Variants in MGST1 observed in about 807,000 individuals in gnomAD.
MGST1 encodes the protein microsomal glutathione S-transferase 1, also known as glutathione S-transferase 12.
A neutral mutation model predicts 8.9 loss-of-function variants in MGST1; 5 were observed. That is an observed-to-expected ratio of 0.56 (90% CI 0.29 to 1.19). The LOEUF (loss-of-function observed/expected upper bound fraction) is 1.19, where lower values mean the gene tolerates loss of function less well. Among genes scored for constraint, MGST1 ranks in the 50% most tolerant of loss-of-function variants. MGST1 has a pLI of 0.08. For missense variants in MGST1, 182 were observed against 187.4 expected (o/e 0.97, Z 0.17); for synonymous variants, 54 against 67.8 (o/e 0.80, Z 1.00).
intron 4 of MGST1, among the ~76,000 whole-genome samples, chr12:16,461,902 A>G (rs1299348520): frequency 6.6e-6 from 1 of 152,098 alleles, no homozygotes; most frequent in African/African-American, 2.4e-5. Flanking sequence ...GTTTACCAAG[A>G]TGATTAGTTG....
intron 4 of MGST1, among the ~76,000 whole-genome samples, chr12:16,467,008 C>T (rs1447609831): frequency 6.6e-6 from 1 of 151,750 alleles, no homozygotes; most frequent in Non-Finnish European, 1.5e-5. Flanking sequence ...ATGCCTATGT[C>T]TGCTATTAAA....
chr12:16,353,728 T>C (rs369136344), intron 1 of MGST1, among the ~76,000 whole-genome samples: 58 of 151,324 alleles, frequency 3.8e-4, no homozygotes, highest in African/African-American at 1.3e-3. Context: ...CTAAATAATA[T>C]AGAACTAGAT....
chr12:16,499,950 T>C (rs2137166445), intron 4 of MGST1, among the ~76,000 whole-genome samples: 1 of 152,284 alleles, frequency 6.6e-6, no homozygotes, highest in South Asian at 2.1e-4. Flanking sequence ...TTTTTAATAA[T>C]AAATGTTAAA....
intron 4 of MGST1, among the ~76,000 whole-genome samples, chr12:16,530,520 G>T (rs1488031497): frequency 6.6e-6 from 1 of 152,090 alleles, no homozygotes; most frequent in Admixed American, 6.6e-5. Context: ...TAAACACTCA[G>T]GCTGAAAAAC....
intron 4 of MGST1, among the ~76,000 whole-genome samples, chr12:16,509,892 T>C (rs762694863): frequency 8.5e-5 from 13 of 152,228 alleles, no homozygotes; most frequent in Admixed American, 2.0e-4. Flanking sequence ...GACAGTATAA[T>C]GAAATCAATC....
At chr12:16,417,926 G>T (rs567259503) in intron 1 of MGST1, among the ~76,000 whole-genome samples, 4 of 152,162 alleles carry the variant, frequency 2.6e-5, no homozygotes, top group Non-Finnish European at 5.9e-5. Context: ...AAATGTAATT[G>T]AGGTCCTTTC....
At chr12:16,447,939 A>G (rs868572196) in intron 4 of MGST1, among the ~76,000 whole-genome samples, 3 of 152,080 alleles carry the variant, frequency 2.0e-5, no homozygotes, top group Middle Eastern at 3.4e-3. Context: ...TGCTGAATAA[A>G]TAAATTCATT....
intron 4 of MGST1, among the ~76,000 whole-genome samples, chr12:16,565,667 T>TTTTCATGGATGA (rs1188842691): frequency 3.3e-5 from 5 of 152,048 alleles, no homozygotes; most frequent in African/African-American, 9.7e-5. Flanking sequence ...ATATTAAATA[T>TTTTCATGGATGA]TTTCATGGAT....
downstream of MGST1, among the ~76,000 whole-genome samples, chr12:16,592,179 GC>G (rs1943515280): frequency 6.6e-6 from 1 of 151,870 alleles, no homozygotes; most frequent in Non-Finnish European, 1.5e-5. Flanking sequence ...CGAAGTATTG[GC>G]ACTCAAATAT....
chr12:16,450,318 G>A (rs753849382), intron 4 of MGST1, among the ~76,000 whole-genome samples: 13 of 151,892 alleles, frequency 8.6e-5, no homozygotes, highest in Non-Finnish European at 1.6e-4. Context: ...TTCCCTGAGT[G>A]CCTGCCTCTC....
intron 4 of MGST1, among the ~76,000 whole-genome samples, chr12:16,496,065 T>A (rs1941468363): frequency 1.3e-5 from 2 of 152,134 alleles, no homozygotes; most frequent in African/African-American, 4.8e-5. Flanking sequence ...TGTGGATTGG[T>A]GCTGCCCTTC....
rs746552871 is a variant in MGST1 at position 16,548,201 on chromosome 12, G to A, written n.483-41327G>A. Among the ~76,000 whole-genome samples, 77 of 152,212 alleles carry A rather than the reference G, an allele frequency of 5.1e-4. No individual in the cohort carries two copies. The highest frequency in any genetic ancestry group is 4.7e-4 in the Non-Finnish European group (32 of 67,988). On this transcript the variant is annotated intron_variant and non_coding_transcript_variant, in intron 4 of 4. Coordinates refer to the MGST1 transcript ENST00000538857. This position sits in a 1 kb window ranked among gnomAD's most constrained non-coding sequence, Gnocchi z 4.2. The stretch of plus-strand genomic sequence containing the variant: ...AATAAATAGCGGTAAACGACCTAGC[G>A]CAGAGATCCTAAACATTACATTCAG...
At chr12:16,535,647 A>G (rs184215999) in intron 4 of MGST1, among the ~76,000 whole-genome samples, 38 of 152,310 alleles carry the variant, frequency 2.5e-4, no homozygotes, top group African/African-American at 8.7e-4. Context: ...AGAAAAAAGT[A>G]TGATATTGAT....
intron 4 of MGST1, among the ~76,000 whole-genome samples, chr12:16,519,812 A>T (rs1306185009): frequency 6.6e-6 from 1 of 152,136 alleles, no homozygotes; most frequent in Non-Finnish European, 1.5e-5. Flanking sequence ...AGAGGTTCTC[A>T]TATTGGTCTT....
At chr12:16,445,165 A>G (rs1941069658) in intron 4 of MGST1, among the ~76,000 whole-genome samples, 1 of 151,682 alleles carries the variant, frequency 6.6e-6, no homozygotes, top group Non-Finnish European at 1.5e-5. Flanking sequence ...ACTAAGTCAC[A>G]TACTATATTA....
rs2137277621 is a variant in MGST1 at position 16,555,011 on chromosome 12, A to G, written n.483-34517A>G. Among the ~76,000 whole-genome samples the G allele has an allele frequency of 6.6e-6, 1 of 152,326 alleles. No homozygotes were observed. Among genetic ancestry groups the G allele is most frequent in the East Asian group, 1.9e-4 (1 of 5,186 alleles). ...TTTCTTCTAACTGTAATCTTGGGCA[A>G]GTTACTTACATTTCCTATACTTTAC... On this transcript the variant is annotated intron_variant and non_coding_transcript_variant, in intron 4 of 4. Transcript: ENST00000538857. This position sits in a 1 kb window ranked among gnomAD's most constrained non-coding sequence, Gnocchi z 5.5.
At chr12:16,435,889 T>G (rs1436502617) in intron 1 of MGST1, among the ~76,000 whole-genome samples, 1 of 151,926 alleles carries the variant, frequency 6.6e-6, no homozygotes, top group Non-Finnish European at 1.5e-5. Flanking sequence ...AGGGTAGCCT[T>G]GGTTTTTCAA....
At chr12:16,399,626 T>C (rs894057550) in intron 1 of MGST1, 6 of 1,608,508 alleles carry the variant, frequency 3.7e-6, no homozygotes, top group South Asian at 2.2e-5. Flanking sequence ...AATCCCCTTC[T>C]TCAGCATCAC....
At chr12:16,423,031 C>G (rs764571154) in intron 1 of MGST1, among the ~76,000 whole-genome samples, 1 of 152,196 alleles carries the variant, frequency 6.6e-6, no homozygotes, top group African/African-American at 2.4e-5. Context: ...TTTCCCCTGA[C>G]TCTGTTTGTC....
Sources: gnomAD v4.1 joint callset for allele counts (sites outside exome capture counted in the v4.1 genomes callset) on GRCh38, gnomAD v4.1.1 for gene constraint, Gnocchi (gnomAD v3.1) non-coding constraint, MANE v1.5 for transcripts, NCBI Gene and HGNC (gene_info 2026-07-23, HGNC 2026-07-21) for gene names.